GABPB1: variants seen among roughly 807,000 people sequenced by gnomAD.
GABPB1 encodes the protein GA binding protein transcription factor subunit beta 1.
Under a neutral mutation model 45.9 loss-of-function variants are expected in GABPB1, and 15 were observed. The observed-to-expected ratio is 0.33, with a 90% CI of 0.22 to 0.50. The LOEUF is 0.50. GABPB1 is among the 20% of genes least tolerant of loss of function. The pLI, the probability that GABPB1 is intolerant of heterozygous loss-of-function variation, is 0.98. For missense variants in GABPB1, 252 were observed against 457.5 expected, an observed-to-expected ratio of 0.55 and a Z score of 4.10; for synonymous variants, 143 against 154.4, an observed-to-expected ratio of 0.93 and a Z score of 0.55.
chr15:50,329,980 C>T lies in GABPB1; in HGVS notation c.1-20182G>A, dbSNP rs567827588. Among the ~76,000 whole-genome samples, 4 of 151,804 alleles carry T rather than the reference C, an allele frequency of 2.6e-5. No homozygotes were observed. In the South Asian group the frequency reaches 8.3e-4, roughly 32 times the overall value. On this transcript the variant is annotated intron_variant, in intron 1 of 8. Coordinates refer to ENST00000380877, the MANE Select transcript of GABPB1 (RefSeq NM_016654.5). ...GGAATGCAGTGGCGTGATCATGGCT[C>T]ACTGCAGCCTCGACCTCTCAGATTC...
intron 1 of GABPB1, chr15:50,352,072 G>A (rs992327105): frequency 2.0e-5 from 3 of 152,164 alleles, no homozygotes; most frequent in African/African-American, 7.2e-5. Context: ...GAGGCCATCA[G>A]TGAGTTCATC....
chr15:50,281,805 G>C (rs1056081713), intron 8 of GABPB1, among the ~76,000 whole-genome samples: 1 of 152,160 alleles, frequency 6.6e-6, no homozygotes, highest in African/African-American at 2.4e-5. Flanking sequence ...AGAAAAAAGA[G>C]ATATAGACTG....
Position 50,289,684 on chromosome 15 carries a change from AG to A in GABPB1, c.698-17del. 2 of 1,568,472 alleles carry A rather than the reference AG, an allele frequency of 1.3e-6. No homozygotes were observed. The highest frequency in any genetic ancestry group is 1.7e-6 in the Non-Finnish European group (2 of 1,158,338). ...GTGGCCACTACTGGAAAAAAAAAAA[AG>A]AAAACTCAGCAAACATATGTAACGG... On this transcript the variant is annotated splice_polypyrimidine_tract_variant and intron_variant, in intron 6 of 8. Coordinates refer to ENST00000380877, the MANE Select transcript of GABPB1 (RefSeq NM_016654.5).
chr15:50,348,986 CTATAAAAT>C (rs1170600680), intron 1 of GABPB1: 1 of 152,000 alleles, frequency 6.6e-6, no homozygotes, highest in Non-Finnish European at 1.5e-5. Flanking sequence ...CACTATAAAA[CTATAAAAT>C]ACCATGAAAA....
Position 50,277,741 on chromosome 15 carries a change from T to C in GABPB1, c.*891A>G, listed in dbSNP as rs2045864669. On this transcript the variant is annotated 3_prime_UTR_variant, in exon 9 of 9. Coordinates refer to ENST00000380877, the MANE Select transcript of GABPB1 (RefSeq NM_016654.5). Reference sequence around the variant, plus strand: ...CTTAAAATCAGTGCCTTAAAGTGCTTTCATGTGGAAATCATGATGGAAGGC... The same window carrying C: ...CTTAAAATCAGTGCCTTAAAGTGCTCTCATGTGGAAATCATGATGGAAGGC... 6.6e-6 allele frequency: 1 copy of C among 152,670 alleles called. No individual in the cohort carries two copies. The highest frequency in any genetic ancestry group is 6.5e-5 in the Admixed American group (1 of 15,294). 9.5% of individuals were successfully genotyped at this position (152,670 alleles called of 1,614,324 possible).
chr15:50,340,658 A>G (rs2048325618), intron 1 of GABPB1, among the ~76,000 whole-genome samples: 4 of 150,806 alleles, frequency 2.7e-5, no homozygotes, highest in Admixed American at 2.0e-4. Context: ...GAACTTCCTC[A>G]TTTTTTTATA....
intron 8 of GABPB1, chr15:50,282,489 G>C (rs911753503): frequency 4.1e-5 from 12 of 289,378 alleles, no homozygotes; most frequent in Non-Finnish European, 8.0e-5. Context: ...AGGAGTTTGA[G>C]GTTGCAGTGA....
chr15:50,354,190 G>A (rs1271966027), intron 1 of GABPB1: 2 of 341,944 alleles, frequency 5.8e-6, no homozygotes, highest in Non-Finnish European at 1.1e-5. Context: ...ACTGTGCCCT[G>A]GCAGAGATGA....
intron 4 of GABPB1, among the ~76,000 whole-genome samples, chr15:50,301,775 C>T (rs1233051574): frequency 6.6e-6 from 1 of 151,334 alleles, no homozygotes; most frequent in Non-Finnish European, 1.5e-5. Flanking sequence ...AAAACAAAAA[C>T]AAAAACAAAA....
At chr15:50,349,405 T>C (rs1289176083) in intron 1 of GABPB1, 1 of 152,162 alleles carries the variant, frequency 6.6e-6, no homozygotes, top group Non-Finnish European at 1.5e-5. Flanking sequence ...TTATATGAAA[T>C]AACATTTAAT....
At chr15:50,283,964 G>C (rs1245923632) in intron 8 of GABPB1, among the ~76,000 whole-genome samples, 1 of 152,150 alleles carries the variant, frequency 6.6e-6, no homozygotes, top group East Asian at 1.9e-4. Context: ...GGGCCACACA[G>C]TTCTTTATTG....
At chr15:50,302,707 G>C (rs893165947) in intron 4 of GABPB1, among the ~76,000 whole-genome samples, 6 of 124,180 alleles carry the variant, frequency 4.8e-5, no homozygotes, top group Non-Finnish European at 1.0e-4. Flanking sequence ...AAAACAGAAA[G>C]TAATCACCTT....
At chr15:50,339,583 CATTCTCTA>C (rs2048276718) in intron 1 of GABPB1, among the ~76,000 whole-genome samples, 1 of 151,778 alleles carries the variant, frequency 6.6e-6, no homozygotes, top group Non-Finnish European at 1.5e-5. Flanking sequence ...ATCAGATATA[CATTCTCTA>C]TTTCTCTATC....
chr15:50,328,341 C>T (rs531577871), intron 1 of GABPB1, among the ~76,000 whole-genome samples: 1 of 152,208 alleles, frequency 6.6e-6, no homozygotes, highest in South Asian at 2.1e-4. Context: ...CTCCCATCTA[C>T]CTCTCCCGTT....
intron 7 of GABPB1, among the ~76,000 whole-genome samples, chr15:50,288,069 G>A (rs991434865): frequency 1.3e-5 from 2 of 152,004 alleles, no homozygotes; most frequent in African/African-American, 4.8e-5. Context: ...TTATTTTTAT[G>A]GAGACAGGGT....
Position 50,286,132 on chromosome 15 carries a change from T to C in GABPB1, c.935A>G (p.Glu312Gly). 6.2e-7 allele frequency: 1 copy of C among 1,611,042 alleles called. No individual in the cohort carries two copies. Among genetic ancestry groups the C allele is most frequent in the Non-Finnish European group, 8.5e-7 (1 of 1,178,386 alleles). The change falls in exon 8 of 9, where the codon GAA becomes GGA. Residue 312 changes from glutamate (E) to glycine (G), a missense_variant. Around this residue, in one of 4 missense-constraint regions of GABPB1, gnomAD observed 193 missense variants for 259.9 expected, o/e 0.74. Coordinates refer to ENST00000380877, the MANE Select transcript of GABPB1 (RefSeq NM_016654.5). ...DIAEETVISE[E>G]PPAKRQCIEI... ...GATACATTGTCTCTTAGCTGGTGGT[T>C]CTTCACTTATAACAGTTTCTTCAGC...
intron 6 of GABPB1, among the ~76,000 whole-genome samples, chr15:50,297,528 A>C (rs1284119941): frequency 6.6e-6 from 1 of 152,130 alleles, no homozygotes; most frequent in Non-Finnish European, 1.5e-5. Flanking sequence ...TTTTTAAGTA[A>C]GCTTTTAAAA....
At chr15:50,337,109 A>G (rs370665824) in intron 1 of GABPB1, among the ~76,000 whole-genome samples, 2 of 6,088 alleles carry the variant, frequency 3.3e-4, no homozygotes, top group East Asian at 4.3e-3. Flanking sequence ...ATATATATAT[A>G]TATATATATA....
chr15:50,281,347 G>A (rs1284554651), intron 8 of GABPB1, among the ~76,000 whole-genome samples: 1 of 152,016 alleles, frequency 6.6e-6, no homozygotes, highest in Non-Finnish European at 1.5e-5. Context: ...GAGTAGCTGG[G>A]ACTATAGGCG....
Sources: allele counts gnomAD v4.1 joint callset (sites outside exome capture counted in the v4.1 genomes callset), GRCh38; gene constraint gnomAD v4.1.1; regional missense constraint gnomAD v4.1.1; transcripts MANE v1.5; gene names NCBI Gene and HGNC (gene_info 2026-07-23, HGNC 2026-07-21).